The following CD300C variants were observed in gnomAD, a reference collection of about 807,000 sequenced individuals.
The protein encoded by CD300C is CMRF35-like molecule 6.
In CD300C, 11 loss-of-function variants were observed where a neutral mutation model predicts 18.4. The observed-to-expected ratio is 0.60, with a 90% CI of 0.38 to 0.99. The LOEUF (loss-of-function observed/expected upper bound fraction) is 0.99. CD300C is among the 50% of genes least tolerant of loss of function. The pLI is 0.01. For missense variants in CD300C, 277 were observed against 287.4 expected, an observed-to-expected ratio of 0.96 and a Z score of 0.26; for synonymous variants, 116 against 116.3, an observed-to-expected ratio of 1.00 and a Z score of 0.02.
rs759311056 is a variant in CD300C at position 74,542,964 on chromosome 17, G to A, written c.424C>T (p.Pro142Ser). 9 of 1,613,670 alleles carry A rather than the reference G, an allele frequency of 5.6e-6. No homozygotes were observed. In the East Asian group the frequency reaches 1.6e-4, roughly 28 times the overall value. The change falls in exon 3 of 4, where the codon CCC (proline) becomes TCC (serine). Residue 142 changes from proline to serine, a missense_variant. Coordinates refer to ENST00000330793, the MANE Select transcript of CD300C (RefSeq NM_006678.5). The part of the protein sequence containing the change: ...FPAGTTTASS[P>S]QSSMGTSGPP... The stretch of plus-strand genomic sequence containing the variant: ...CCTGAGGTGCCCATGGAGCTCTGGG[G>A]GCTGGAGGCTGTGGTCGTCCCGGCT...
In CD300C at chr17:74,543,302, G is replaced by C. The variant is rs114425561; in HGVS notation, c.401-315C>G. ...GGGTGACCTGGGGGAATGGGGTGAT[G>C]TTTACTCTGCGAAGGGTGACCCAGA... is the stretch of plus-strand genomic sequence containing the variant. On this transcript the variant is annotated intron_variant, in intron 2 of 3. Coordinates refer to ENST00000330793, the MANE Select transcript of CD300C (RefSeq NM_006678.5). Among the ~76,000 whole-genome samples the C allele has an allele frequency of 7.6e-3, 1,159 of 152,356 alleles. 21 individuals are homozygous for C. Among genetic ancestry groups the C allele is most frequent in the African/African-American group, 0.026 (1,086 of 41,582 alleles).
At chr17:74,545,228 G>C (rs1053505577) in intron 1 of CD300C, among the ~76,000 whole-genome samples, 20 of 152,066 alleles carry the variant, frequency 1.3e-4, no homozygotes, top group African/African-American at 4.8e-4. Flanking sequence ...GTGTGTGACT[G>C]TGTGAGTGTG....
chr17:74,541,312 C>T lies in CD300C; in HGVS notation c.*277G>A. 5.3e-6 allele frequency: 2 copies of T among 379,840 alleles called. No homozygotes were observed. Among genetic ancestry groups the T allele is most frequent in the African/African-American group, 2.1e-5 (1 of 48,658 alleles). The allele number at this position is 379,840 out of a possible 1,614,324, so 23.5% of individuals were successfully genotyped here. A position where few individuals can be genotyped will look rare whatever the true frequency, so the allele number is the denominator to read the frequency against. ...AGGCTCCTGGAGAAATGGAAGGGTG[C>T]AGGGAGGGCATCCGGGCACTCAGAG... On this transcript the variant is annotated 3_prime_UTR_variant, in exon 4 of 4. Transcript: ENST00000330793.
chr17:74,543,443 A>G (rs911533758), intron 2 of CD300C, among the ~76,000 whole-genome samples: 3 of 152,226 alleles, frequency 2.0e-5, no homozygotes, highest in Admixed American at 2.0e-4. Context: ...CTCAGCCCCA[A>G]ATGGCAGCCA....
chr17:74,543,448 C>T (rs376732178), intron 2 of CD300C, among the ~76,000 whole-genome samples: 15 of 152,338 alleles, frequency 9.8e-5, no homozygotes, highest in African/African-American at 3.4e-4. Context: ...CCCCAAATGG[C>T]AGCCATGCTG....
At position 74,541,268 on chromosome 17, in the gene CD300C, C is replaced by T. The variant is rs558934607; in HGVS notation, c.*321G>A. ...CTAGACCTGCTTCTCCCTGTGAAAACGGTGGAGGAAGCAGTGCCAGGCTCC... is the reference window on the plus strand; with the variant it reads ...CTAGACCTGCTTCTCCCTGTGAAAATGGTGGAGGAAGCAGTGCCAGGCTCC... On this transcript the variant is annotated 3_prime_UTR_variant, in exon 4 of 4. Coordinates refer to ENST00000330793, the MANE Select transcript of CD300C (RefSeq NM_006678.5). 18 of 282,412 alleles carry T rather than the reference C, an allele frequency of 6.4e-5. 1 individual carries two copies. The East Asian group carries it at 6.6e-4, about 10-fold the overall frequency. The allele number at this position is 282,412 out of a possible 1,614,324, so 17.5% of individuals were successfully genotyped here. A position where few individuals can be genotyped will look rare whatever the true frequency, so the allele number is the denominator to read the frequency against.
downstream of CD300C, among the ~76,000 whole-genome samples, chr17:74,540,231 C>A (rs952688064): frequency 5.3e-5 from 8 of 152,184 alleles, no homozygotes; most frequent in Non-Finnish European, 1.2e-4. Context: ...GCTCACCCCC[C>A]TCCTTTCTCC....
intron 3 of CD300C, 33 bp downstream of exon 3, chr17:74,542,828 A>G: frequency 6.3e-7 from 1 of 1,578,998 alleles, no homozygotes; most frequent in Non-Finnish European, 8.6e-7. Flanking sequence ...GGAGGCCGCC[A>G]GCGTGGCCCA....
At chr17:74,544,316 G>A (rs185262401) in intron 2 of CD300C, among the ~76,000 whole-genome samples, 9 of 152,320 alleles carry the variant, frequency 5.9e-5, no homozygotes, top group Admixed American at 1.3e-4. Flanking sequence ...GCCTGAGGCC[G>A]TGAGGGAGGG....
downstream of CD300C, among the ~76,000 whole-genome samples, chr17:74,536,207 A>G (rs1205233316): frequency 1.3e-5 from 2 of 152,244 alleles, no homozygotes; most frequent in African/African-American, 2.4e-5. Context: ...CATTAAAGTG[A>G]AAATCCTGTT....
chr17:74,543,425 C>T (rs922217625), intron 2 of CD300C, among the ~76,000 whole-genome samples: 2 of 152,210 alleles, frequency 1.3e-5, no homozygotes, highest in African/African-American at 2.4e-5. Flanking sequence ...CGATGGGACC[C>T]GAGTCCACTC....
At chr17:74,545,074 C>T (rs1568008031) in intron 1 of CD300C, 127 bp from the exon 2 acceptor site, 4 of 850,062 alleles carry the variant, frequency 4.7e-6, no homozygotes, top group Admixed American at 5.6e-5. Flanking sequence ...CCTTTGTCCA[C>T]CCAGGAACAG....
At chr17:74,538,829 C>CT (rs1240403817), downstream of CD300C, among the ~76,000 whole-genome samples, 2 of 152,226 alleles carry the variant, frequency 1.3e-5, no homozygotes, top group African/African-American at 4.8e-5. Context: ...CCTGTGGCTG[C>CT]AAACATCTAT....
rs762044826 is a variant in CD300C at position 74,544,803 on chromosome 17, A to G, written c.206T>C (p.Val69Ala). The G allele has an allele frequency of 8.1e-6, 13 of 1,614,228 alleles. No homozygotes were observed. In the East Asian group the frequency reaches 2.7e-4, roughly 33 times the overall value. The change falls in exon 2 of 4, where the codon GTG becomes GCG. Residue 69 changes from valine (V) to alanine (A), a missense_variant. Transcript: ENST00000330793. Reference sequence around the variant, plus strand: ...TTTCCCTGCTGACCCTTTGGTCTCCACAATCTTGTCACATCGGAGAATCTG... The same window carrying G: ...TTTCCCTGCTGACCCTTTGGTCTCCGCAATCTTGTCACATCGGAGAATCTG... ...PPQILRCDKI[V>A]ETKGSAGKRN...
At chr17:74,543,871 G>C (rs1041715270) in intron 2 of CD300C, among the ~76,000 whole-genome samples, 1 of 152,198 alleles carries the variant, frequency 6.6e-6, no homozygotes, top group East Asian at 1.9e-4. Flanking sequence ...TCCATCCACA[G>C]GTCCCTTTGC....
At chr17:74,542,502 G>A (rs926460930) in intron 3 of CD300C, among the ~76,000 whole-genome samples, 2 of 152,142 alleles carry the variant, frequency 1.3e-5, no homozygotes, top group Admixed American at 6.5e-5. Flanking sequence ...TCTGATCATC[G>A]TCAGTGAAAT....
rs1422207224 is a variant in CD300C, at chr17:74,545,811, G to A, written c.-29C>T. ...TGTAACACGAATGTCACCTGCCACT[G>A]TGCAAGACCCCAGGAGGGGACAAAA... On this transcript the variant is annotated 5_prime_UTR_variant, in exon 1 of 4. Transcript: ENST00000330793. The A allele has an allele frequency of 1.3e-6, 2 of 1,591,484 alleles. No homozygotes were observed. Among genetic ancestry groups the A allele is most frequent in the South Asian group, 1.1e-5 (1 of 88,700 alleles).
chr17:74,536,124 T>G (rs1908367094), downstream of CD300C, among the ~76,000 whole-genome samples: 3 of 152,202 alleles, frequency 2.0e-5, 1 homozygote, highest in Admixed American at 2.0e-4. Flanking sequence ...TAATTTTTTT[T>G]TAATTTGGGA....
chr17:74,537,342 A>T (rs1908412057), downstream of CD300C, among the ~76,000 whole-genome samples: 1 of 152,232 alleles, frequency 6.6e-6, no homozygotes, highest in South Asian at 2.1e-4. Flanking sequence ...ATCAACATGG[A>T]TGAATCTCAA....
Sources: allele counts gnomAD v4.1 joint callset (sites outside exome capture counted in the v4.1 genomes callset), GRCh38; gene constraint gnomAD v4.1.1; transcripts MANE v1.5; gene names NCBI Gene and HGNC (gene_info 2026-07-23, HGNC 2026-07-21).